Variants in C20orf144 observed in about 807,000 individuals in gnomAD.
C20orf144 encodes the protein uncharacterized protein C20orf144.
In C20orf144, 8 loss-of-function variants were observed where a neutral mutation model predicts 3.8. The observed-to-expected ratio is 2.11, with a 90% CI of 1.24 to 3.80. The LOEUF is 3.80. Among genes scored for constraint, C20orf144 ranks in the 30% most tolerant of loss-of-function variants. The pLI is 0.00. For missense variants in C20orf144, 289 were observed against 224.5 expected (o/e 1.29, Z -1.83); for synonymous variants, 126 against 104.1 (o/e 1.21, Z -1.28).
chr20:33,663,414 C>G, intron 1 of C20orf144, 118 bp from the exon 2 acceptor site: 1 of 1,103,482 alleles, frequency 9.1e-7, no homozygotes, highest in Non-Finnish European at 1.2e-6. Flanking sequence ...GATGACAGGA[C>G]CCGGGTGGAC....
Position 33,662,371 on chromosome 20 carries a change from G to C in C20orf144, c.26G>C (p.Arg9Thr). Residue 9 changes from arginine to threonine, a missense_variant, in exon 1 of 2, where the codon AGG becomes ACG. Coordinates refer to ENST00000375222, the MANE Select transcript of C20orf144 (RefSeq NM_080825.4). MGNYSSHK[R>T]TKAPKQARKE... The stretch of plus-strand genomic sequence containing the variant: ...ATGGGAAACTATAGTTCCCACAAAA[G>C]GACCAAAGCACCCAAGCAGGCCCGC... The C allele has an allele frequency of 6.4e-7, 1 of 1,551,440 alleles. No homozygotes were observed. Among genetic ancestry groups the C allele is most frequent in the African/African-American group, 1.4e-5 (1 of 73,166 alleles).
intron 1 of C20orf144, among the ~76,000 whole-genome samples, chr20:33,663,013 G>C (rs993454041): frequency 8.5e-5 from 13 of 152,212 alleles, no homozygotes; most frequent in African/African-American, 4.8e-5. Context: ...GAGAGCCCCG[G>C]GGGGTGAGCA....
chr20:33,662,722 T>C (rs919341706), intron 1 of C20orf144: 2 of 458,306 alleles, frequency 4.4e-6, no homozygotes, highest in Non-Finnish European at 7.9e-6. Context: ...GGTGGATAAC[T>C]TCAGCCCAGG....
rs1010365434 is a variant in C20orf144, at chr20:33,662,609, T to C, written c.126+138T>C. 10 of 1,019,500 alleles carry C rather than the reference T, an allele frequency of 9.8e-6. No individual in the cohort carries two copies. The African/African-American group carries it at 1.6e-4, about 17-fold the overall frequency. 63.2% of individuals were successfully genotyped at this position (1,019,500 alleles called of 1,614,324 possible). A position where few individuals can be genotyped will look rare whatever the true frequency, so the allele number is the denominator to read the frequency against. ...AGGGGGTGAGGGAGGAATTCGAAAA[T>C]CTCTCCCAAGGATGAGGATCCCAGG... On this transcript the variant is annotated intron_variant, in intron 1 of 1. Transcript: ENST00000375222.
Position 33,663,893 on chromosome 20 carries a change from A to G in C20orf144, c.*26A>G, listed in dbSNP as rs1568896891. The G allele has an allele frequency of 2.2e-6, 3 of 1,374,614 alleles. No individual in the cohort carries two copies. In the South Asian group the frequency reaches 4.9e-5, roughly 23 times the overall value. The allele number at this position is 1,374,614 out of a possible 1,614,324, so 85.2% of individuals were successfully genotyped here. A position where few individuals can be genotyped will look rare whatever the true frequency, so the allele number is the denominator to read the frequency against. On this transcript the variant is annotated 3_prime_UTR_variant, in exon 2 of 2. Transcript: ENST00000375222. ...ACGCTTGGCCCGGACCCCGCCCAAT[A>G]AAGAGTGCGTGGCAACCCTGGCGCC...
intron 1 of C20orf144, 78 bp from the exon 2 acceptor site, chr20:33,663,454 G>A (rs1484100691): frequency 3.4e-6 from 5 of 1,472,248 alleles, no homozygotes; most frequent in African/African-American, 1.5e-5. Flanking sequence ...AGGGTCCCAG[G>A]AGAAGCGCGG....
At chr20:33,662,984 CAG>C (rs1371544370) in intron 1 of C20orf144, among the ~76,000 whole-genome samples, 1 of 152,142 alleles carries the variant, frequency 6.6e-6, no homozygotes, top group African/African-American at 2.4e-5. Context: ...ATTCCAGAAC[CAG>C]AAAGTGGATG....
chr20:33,663,674 A>G lies in C20orf144; in HGVS notation c.269A>G (p.Glu90Gly), dbSNP rs1441607763. 3.1e-6 allele frequency: 5 copies of G among 1,590,514 alleles called. No homozygotes were observed. The highest frequency in any genetic ancestry group is 4.3e-6 in the Non-Finnish European group (5 of 1,174,046). Residue 90 changes from glutamate to glycine, a missense_variant, in exon 2 of 2, where the codon GAG (glutamate) becomes GGG (glycine). Physicochemically the swap from Glu to Gly is moderately conservative, Grantham distance 98. Transcript: ENST00000375222. The stretch of plus-strand genomic sequence containing the variant: ...GGAGCGGGCGAAGGTAGCGAGCGCG[A>G]GCCGAGGATGCCGGTACTGCTGCTG... ...LRGAGEGSEREPRMPVLLLLR... is the reference protein window; with the variant it reads ...LRGAGEGSERGPRMPVLLLLR...
chr20:33,663,614 C>G lies in C20orf144; in HGVS notation c.209C>G (p.Ala70Gly). 1 of 1,610,326 alleles carries G rather than the reference C, an allele frequency of 6.2e-7. No individual in the cohort carries two copies. Among genetic ancestry groups the G allele is most frequent in the Non-Finnish European group, 8.5e-7 (1 of 1,179,588 alleles). ...AGQRIDYASGAGLGSPAAPRL... is the reference protein window; with the variant it reads ...AGQRIDYASGGGLGSPAAPRL... ...CAACGGATTGACTACGCGTCCGGCG[C>G]TGGGCTGGGCTCCCCGGCGGCACCC... The change falls in exon 2 of 2, where the codon GCT becomes GGT. Residue 70 changes from alanine (A) to glycine (G), a missense_variant. Coordinates refer to ENST00000375222, the MANE Select transcript of C20orf144 (RefSeq NM_080825.4).
intron 1 of C20orf144, 90 bp from the exon 2 acceptor site, chr20:33,663,442 C>A: frequency 7.2e-7 from 1 of 1,392,260 alleles, no homozygotes; most frequent in Non-Finnish European, 9.7e-7. Flanking sequence ...CCCGGGTGGA[C>A]GAGGGTCCCA....
Position 33,663,534 on chromosome 20 carries a change from C to G in C20orf144, c.129C>G (p.Thr43=). ...TCACGCCCCTGTTCCACCCCCAGACCAGGATCGTGCTGATTCTCCCCCTGG... is the reference window on the plus strand; with the variant it reads ...TCACGCCCCTGTTCCACCCCCAGACGAGGATCGTGCTGATTCTCCCCCTGG... ...LNHLTRKKPA[T]RIVLILPLDK... Residue 43 remains threonine (T), a splice_region_variant and synonymous_variant, in exon 2 of 2, where the codon ACC becomes ACG. Transcript: ENST00000375222. 1 of 1,609,376 alleles carries G rather than the reference C, an allele frequency of 6.2e-7. No homozygotes were observed. The highest frequency in any genetic ancestry group is 8.5e-7 in the Non-Finnish European group (1 of 1,179,314).
Position 33,663,633 on chromosome 20 carries a change from G to A in C20orf144, c.228G>A (p.Ala76=), listed in dbSNP as rs748062711. The A allele has an allele frequency of 1.4e-5, 23 of 1,608,012 alleles. No individual in the cohort carries two copies. The highest frequency in any genetic ancestry group is 1.8e-5 in the Non-Finnish European group (21 of 1,179,262). Residue 76 remains alanine, a synonymous_variant, in exon 2 of 2, where the codon GCG becomes GCA. Coordinates refer to ENST00000375222, the MANE Select transcript of C20orf144 (RefSeq NM_080825.4). ...CCGGCGCTGGGCTGGGCTCCCCGGC[G>A]GCACCCAGATTGCGCGGAGCGGGCG... is the stretch of plus-strand genomic sequence containing the variant. The part of the protein sequence containing the change: ...YASGAGLGSP[A]APRLRGAGEG...
chr20:33,662,653 T>C (rs2017518069), intron 1 of C20orf144, 182 bp downstream of exon 1: 1 of 696,776 alleles, frequency 1.4e-6, no homozygotes, highest in Non-Finnish European at 2.3e-6. Context: ...TGGGTGTGGA[T>C]GGGGGTCCTT....
chr20:33,663,205 G>C (rs1568895615), intron 1 of C20orf144, among the ~76,000 whole-genome samples: 1 of 152,232 alleles, frequency 6.6e-6, no homozygotes, highest in Admixed American at 6.5e-5. Flanking sequence ...ACCAGGCGGG[G>C]GTGGGAGGTG....
Position 33,663,524 on chromosome 20 carries a change from AC to A in C20orf144, c.127-3del. On this transcript the variant is annotated splice_polypyrimidine_tract_variant and splice_region_variant and intron_variant, in intron 1 of 1. Coordinates refer to ENST00000375222, the MANE Select transcript of C20orf144 (RefSeq NM_080825.4). ...CTCTCCCGCCTCACGCCCCTGTTCCACCCCCAGACCAGGATCGTGCTGATTC... is the reference window on the plus strand; with the variant it reads ...CTCTCCCGCCTCACGCCCCTGTTCCACCCCAGACCAGGATCGTGCTGATTC... 4 of 1,605,338 alleles carry A rather than the reference AC, an allele frequency of 2.5e-6. No homozygotes were observed. The highest frequency in any genetic ancestry group is 1.7e-6 in the Non-Finnish European group (2 of 1,178,494).
In C20orf144 at chr20:33,663,857, C is replaced by T; in HGVS notation, c.452C>T (p.Pro151Leu). Reference protein sequence around the residue: ...QPRKRCRCPRPQL With the variant: ...QPRKRCRCPRLQL ...CGCAAACGGTGCCGCTGCCCTCGCCCGCAGCTTTAAACGCTTGGCCCGGAC... is the reference window on the plus strand; with the variant it reads ...CGCAAACGGTGCCGCTGCCCTCGCCTGCAGCTTTAAACGCTTGGCCCGGAC... Residue 151 changes from proline to leucine, a missense_variant, in exon 2 of 2, where the codon CCG (proline) becomes CTG (leucine). Transcript: ENST00000375222. 3.6e-6 allele frequency: 5 copies of T among 1,401,584 alleles called. No homozygotes were observed. The highest frequency in any genetic ancestry group is 3.6e-5 in the Admixed American group (1 of 28,064). The allele number at this position is 1,401,584 out of a possible 1,614,324, so 86.8% of individuals were successfully genotyped here.
In C20orf144 at chr20:33,663,378, G is replaced by T. The variant is rs529638258; in HGVS notation, c.127-154G>T. 292 of 785,814 alleles carry T rather than the reference G, an allele frequency of 3.7e-4. No homozygotes were observed. In the African/African-American group the frequency reaches 4.6e-3, roughly 12 times the overall value. 48.7% of individuals were successfully genotyped at this position (785,814 alleles called of 1,614,324 possible). A position where few individuals can be genotyped will look rare whatever the true frequency, so the allele number is the denominator to read the frequency against. On this transcript the variant is annotated intron_variant, in intron 1 of 1. Transcript: ENST00000375222. ...TCCCCGCGGCCTGAATTGGACAGGG[G>T]TCCCCTCCAGCCCTGTGCACGAGAG...
intron 1 of C20orf144, 44 bp downstream of exon 1, chr20:33,662,515 G>A (rs1396267715): frequency 1.9e-6 from 3 of 1,543,782 alleles, no homozygotes; most frequent in African/African-American, 1.4e-5. Context: ...GGCAGCTGGG[G>A]GGCAGAGAAA....
rs1442772354 is a variant in C20orf144 at position 33,663,445 on chromosome 20, G to C, written c.127-87G>C. ...TGGACGACAGGACCCGGGTGGACGA[G>C]GGTCCCAGGAGAAGCGCGGAGCGGC... On this transcript the variant is annotated intron_variant, in intron 1 of 1. Transcript: ENST00000375222. 1.2e-5 allele frequency: 17 copies of C among 1,411,946 alleles called. No individual in the cohort carries two copies. In the East Asian group the frequency reaches 3.9e-4, roughly 32 times the overall value. The allele number at this position is 1,411,946 out of a possible 1,614,324, so 87.5% of individuals were successfully genotyped here.
Sources: gnomAD v4.1 joint callset for allele counts (sites outside exome capture counted in the v4.1 genomes callset) on GRCh38, gnomAD v4.1.1 for gene constraint, MANE v1.5 for transcripts, NCBI Gene and HGNC (gene_info 2026-07-23, HGNC 2026-07-21) for gene names.